Variants in KAZN observed in about 807,000 individuals in gnomAD.
KAZN encodes kazrin.
In KAZN, 40 loss-of-function variants were observed where a neutral mutation model predicts 87.4. The ratio of observed to expected loss-of-function variants is 0.46; its 90% CI spans 0.36 to 0.60. KAZN has a LOEUF of 0.60. Ranked by LOEUF, KAZN falls within the 20% of genes least tolerant of loss-of-function variation. The pLI is 0.00. For synonymous variants in KAZN, 466 were observed against 458.3 expected, an observed-to-expected ratio of 1.02 and a Z score of -0.22; for missense variants, 898 against 1,073.9, an observed-to-expected ratio of 0.84 and a Z score of 2.29.
chr1:14,805,234 G>A (rs953535814), intron 1 of KAZN, among the ~76,000 whole-genome samples: 1 of 152,184 alleles, frequency 6.6e-6, no homozygotes, highest in African/African-American at 2.4e-5. Flanking sequence ...CCATGAGGTT[G>A]TCCAGAGACC....
At position 15,114,478 on chromosome 1, in the gene KAZN, T is replaced by C; in HGVS notation, c.2171T>C (p.Leu724Pro). Residue 724 changes from leucine to proline, a missense_variant, in exon 15 of 15, where the codon CTG becomes CCG. Physicochemically the swap from Leu to Pro is moderately conservative, Grantham distance 98. Transcript: ENST00000376030. ...GLKYKAGRLP[L>P]GKIGRGFSSK... ...ATATTCTTCTCTTCTCAGCTGCCCC[T>C]GGGGAAGATAGGAAGGGGCTTCAGC... is the stretch of plus-strand genomic sequence containing the variant. The C allele has an allele frequency of 6.2e-7, 1 of 1,610,366 alleles. No individual in the cohort carries two copies. Among genetic ancestry groups the C allele is most frequent in the South Asian group, 1.1e-5 (1 of 90,086 alleles).
intron 2 of KAZN, among the ~76,000 whole-genome samples, chr1:14,392,119 GC>G (rs576929219): frequency 1.1e-3 from 171 of 152,282 alleles, no homozygotes; most frequent in African/African-American, 4.0e-3. Context: ...AGATGTGAAA[GC>G]CAAAGGTGAT....
intron 2 of KAZN, among the ~76,000 whole-genome samples, chr1:14,207,514 TCTCA>T (rs927013564): frequency 2.8e-4 from 42 of 152,158 alleles, no homozygotes; most frequent in African/African-American, 5.3e-4. Flanking sequence ...CACAATATGA[TCTCA>T]CTCACTCACT....
intron 1 of KAZN, among the ~76,000 whole-genome samples, chr1:14,652,725 C>A (rs1638528198): frequency 7.3e-6 from 1 of 136,798 alleles, no homozygotes; most frequent in Middle Eastern, 3.8e-3. Context: ...ATTCATCCAC[C>A]CATCCGTTAA....
chr1:14,898,248 A>C (rs2801175), intron 1 of KAZN, among the ~76,000 whole-genome samples: 149,716 of 152,222 alleles, frequency 0.98, 73,662 homozygotes, highest in Middle Eastern at 1. Context: ...TCTCTGGAAG[A>C]AAAGACATAC....
In KAZN at chr1:14,572,734, G is replaced by A. The variant is rs12041422; in HGVS notation, c.250-26249G>A. Reference sequence around the variant, plus strand: ...CCTCATTTGTGACTTCCTTGGCCCCGCGGAGCGGCCCCCCACTCCCCTGGA... The same window carrying A: ...CCTCATTTGTGACTTCCTTGGCCCCACGGAGCGGCCCCCCACTCCCCTGGA... On this transcript the variant is annotated intron_variant, in intron 2 of 16. Coordinates refer to the KAZN transcript ENST00000636203. Among the ~76,000 whole-genome samples, 55 of 152,272 alleles carry A rather than the reference G, an allele frequency of 3.6e-4. No individual in the cohort carries two copies. In the East Asian group the frequency reaches 0.01, roughly 28 times the overall value.
intron 1 of KAZN, among the ~76,000 whole-genome samples, chr1:14,133,189 A>ATCTCTACTACAAATACAAAATACAAATAC (rs1645027412): frequency 6.6e-6 from 1 of 151,996 alleles, no homozygotes; most frequent in Non-Finnish European, 1.5e-5. Context: ...CAACATGGTG[A>ATCTCTACTACAAATACAAAATACAAATAC]AACCCCATCT....
At chr1:14,551,668 G>A (rs1362891706) in intron 2 of KAZN, among the ~76,000 whole-genome samples, 1 of 152,164 alleles carries the variant, frequency 6.6e-6, no homozygotes, top group Non-Finnish European at 1.5e-5. Flanking sequence ...GAGTTAGTGG[G>A]TGGAGGGAGC....
intron 2 of KAZN, among the ~76,000 whole-genome samples, chr1:14,466,896 G>A (rs1186818972): frequency 6.6e-6 from 1 of 152,228 alleles, no homozygotes; most frequent in Non-Finnish European, 1.5e-5. Flanking sequence ...GTGAACCCAG[G>A]AGGTGGAGGT....
At chr1:14,697,758 C>T (rs1379481148) in intron 1 of KAZN, among the ~76,000 whole-genome samples, 6 of 152,248 alleles carry the variant, frequency 3.9e-5, no homozygotes, top group African/African-American at 1.4e-4. Context: ...TTGAACTTCA[C>T]GTTTTCCTAT....
chr1:14,433,419 G>A (rs1474024857), intron 2 of KAZN, among the ~76,000 whole-genome samples: 1 of 152,034 alleles, frequency 6.6e-6, no homozygotes, highest in Non-Finnish European at 1.5e-5. Flanking sequence ...TTTGTGGTTT[G>A]CTCTTACAGA....
chr1:13,896,159 T>TTTC (rs1639035405), intron 1 of KAZN, among the ~76,000 whole-genome samples: 1 of 152,096 alleles, frequency 6.6e-6, no homozygotes, highest in Non-Finnish European at 1.5e-5. Context: ...AAAGGTTTTG[T>TTTC]TTCTTTTGCA....
At chr1:13,905,790 T>G (rs1307622818) in intron 1 of KAZN, among the ~76,000 whole-genome samples, 2 of 152,236 alleles carry the variant, frequency 1.3e-5, no homozygotes, top group Non-Finnish European at 2.9e-5. Flanking sequence ...TTAGTTTGTT[T>G]TGTGGATGTA....
At chr1:15,078,392 G>T (rs956940915) in intron 8 of KAZN, among the ~76,000 whole-genome samples, 8 of 152,186 alleles carry the variant, frequency 5.3e-5, no homozygotes, top group Admixed American at 5.2e-4. Flanking sequence ...GCAACACAGC[G>T]AGACTCCATC....
At chr1:14,885,445 A>T (rs1653931039) in intron 1 of KAZN, among the ~76,000 whole-genome samples, 1 of 152,140 alleles carries the variant, frequency 6.6e-6, no homozygotes, top group Non-Finnish European at 1.5e-5. Flanking sequence ...AATATCTCTG[A>T]TTCCTCCAAC....
intron 2 of KAZN, among the ~76,000 whole-genome samples, chr1:14,381,985 G>A (rs1381453061): frequency 6.6e-6 from 1 of 152,082 alleles, no homozygotes; most frequent in Non-Finnish European, 1.5e-5. Flanking sequence ...TAAAGTTGCA[G>A]GATACAAAAT....
chr1:13,954,722 T>A (rs1177925902), intron 1 of KAZN, among the ~76,000 whole-genome samples: 1 of 152,232 alleles, frequency 6.6e-6, no homozygotes, highest in Non-Finnish European at 1.5e-5. Flanking sequence ...GGCCAGCTCT[T>A]ATGCACTACC....
intron 2 of KAZN, among the ~76,000 whole-genome samples, chr1:14,414,876 G>C (rs1250070953): frequency 6.6e-6 from 1 of 151,962 alleles, no homozygotes; most frequent in Non-Finnish European, 1.5e-5. Context: ...AAATACAAAA[G>C]TTAGCCAGGT....
intron 1 of KAZN, among the ~76,000 whole-genome samples, chr1:14,851,447 A>G (rs903313839): frequency 1.3e-5 from 2 of 151,916 alleles, no homozygotes; most frequent in African/African-American, 4.8e-5. Context: ...AACACCCCAC[A>G]CCCTGTCCCA....
Sources: gnomAD v4.1 joint callset for allele counts (sites outside exome capture counted in the v4.1 genomes callset) on GRCh38, gnomAD v4.1.1 for gene constraint, MANE v1.5 for transcripts, NCBI Gene and HGNC (gene_info 2026-07-23, HGNC 2026-07-21) for gene names.